Variants in ATP9B observed in about 807,000 individuals in gnomAD.
ATP9B encodes the protein probable phospholipid-transporting ATPase IIB.
In ATP9B, 110 loss-of-function variants were observed where a neutral mutation model predicts 146.1. That is an observed-to-expected ratio of 0.75 (90% CI 0.65 to 0.88). The LOEUF (loss-of-function observed/expected upper bound fraction) is 0.88. Ranked by LOEUF, ATP9B falls within the 40% of genes least tolerant of loss-of-function variation. The probability of loss-of-function intolerance (pLI) is 0.00; values close to 1 mark genes in which losing one functional copy is unlikely to be tolerated. For synonymous variants in ATP9B, 604 were observed against 569.7 expected (o/e 1.06, Z -0.86); for missense variants, 1,499 against 1,496.4 (o/e 1.00, Z -0.03).
At chr18:79,083,865 C>CT (rs60063648) in intron 1 of ATP9B, among the ~76,000 whole-genome samples, 9,002 of 139,294 alleles carry the variant, frequency 0.065, 368 homozygotes, top group African/African-American at 0.088. Context: ...CCATCTTCTT[C>CT]TTTTTTTTTT....
chr18:79,231,803 T>TATATATATATATATATATACATACACAC (rs569726473), intron 11 of ATP9B, among the ~76,000 whole-genome samples: 5 of 114,760 alleles, frequency 4.4e-5, no homozygotes, highest in African/African-American at 1.7e-4. Context: ...TATATATATA[T>TATATATATATATATATATACATACACAC]ACACACACAC....
rs1270434329 is a variant in ATP9B, at chr18:79,239,897, G to A, written c.1108-13484G>A. 6.6e-6 allele frequency among the ~76,000 whole-genome samples: 1 copy of A among 152,226 alleles called. No homozygotes were observed. Among genetic ancestry groups the A allele is most frequent in the Non-Finnish European group, 1.5e-5 (1 of 68,032 alleles). On this transcript the variant is annotated intron_variant, in intron 11 of 29. Transcript: ENST00000426216. The surrounding 1 kb of genome is among the most constrained non-coding windows in gnomAD (Gnocchi z 5.1). Reference sequence around the variant, plus strand: ...TTCCTGAGGGCTAAGCGTTCCCAAAGGATGAGCGGAGAGGCTTGCTCTGCC... The same window carrying A: ...TTCCTGAGGGCTAAGCGTTCCCAAAAGATGAGCGGAGAGGCTTGCTCTGCC...
chr18:79,201,199 C>T (rs1468714354), intron 9 of ATP9B, among the ~76,000 whole-genome samples: 2 of 152,076 alleles, frequency 1.3e-5, no homozygotes, highest in Non-Finnish European at 2.9e-5. Flanking sequence ...GTTTTTTTCT[C>T]ATTTTAGATA....
chr18:79,175,395 G>A (rs1174023681), intron 7 of ATP9B, among the ~76,000 whole-genome samples: 1 of 152,106 alleles, frequency 6.6e-6, no homozygotes, highest in Non-Finnish European at 1.5e-5. Flanking sequence ...AACAGTATAA[G>A]ATATATTCAA....
intron 18 of ATP9B, 117 bp from the exon 19 acceptor site, chr18:79,337,162 C>T (rs1467863496): frequency 1.5e-6 from 2 of 1,314,306 alleles, no homozygotes; most frequent in Non-Finnish European, 2.1e-6. Context: ...ACAGCACGTA[C>T]ACGTGTGCAC....
At chr18:79,292,695 G>A (rs1390244280) in intron 13 of ATP9B, among the ~76,000 whole-genome samples, 1 of 150,840 alleles carries the variant, frequency 6.6e-6, no homozygotes, top group Non-Finnish European at 1.5e-5. Context: ...ACATGCATCC[G>A]AGGAATGTGG....
In ATP9B at chr18:79,234,624, T is replaced by C. The variant is rs979404235; in HGVS notation, c.1108-18757T>C. ...TGGGCCTGCTTGCTGTGGGCCTGCT[T>C]GCTGTGGGTGTGCTGCTGTGGGCGT... is the stretch of plus-strand genomic sequence containing the variant. On this transcript the variant is annotated intron_variant, in intron 11 of 29. Transcript: ENST00000426216. 2.0e-5 allele frequency among the ~76,000 whole-genome samples: 3 copies of C among 149,950 alleles called. No individual in the cohort carries two copies. The South Asian group carries it at 6.4e-4, about 32-fold the overall frequency.
chr18:79,337,459 G>A lies in ATP9B; in HGVS notation c.2283+10G>A. On this transcript the variant is annotated intron_variant, in intron 19 of 29. Coordinates refer to ENST00000426216, the MANE Select transcript of ATP9B (RefSeq NM_198531.5). ...CAACGCCGGGATCAAGGTACTGCAG[G>A]CTCACCTCTGCTGGCGCGCGCTGCT... 1 of 1,604,376 alleles carries A rather than the reference G, an allele frequency of 6.2e-7. No individual in the cohort carries two copies. Among genetic ancestry groups the A allele is most frequent in the South Asian group, 1.1e-5 (1 of 90,692 alleles).
Position 79,337,440 on chromosome 18 carries a change from C to T in ATP9B, c.2274C>T (p.Ala758=), listed in dbSNP as rs570834050. 36 of 1,610,748 alleles carry T rather than the reference C, an allele frequency of 2.2e-5. No individual in the cohort carries two copies. The Middle Eastern group carries it at 9.9e-4, about 45-fold the overall frequency. Residue 758 remains alanine, a synonymous_variant, in exon 19 of 30, where the codon GCC becomes GCT. Transcript: ENST00000426216. ...VRPTLEMLRN[A]GIKIWMLTGD... ...CCACGCTGGAGATGCTGCGCAACGC[C>T]GGGATCAAGGTACTGCAGGCTCACC... is the stretch of plus-strand genomic sequence containing the variant.
intron 8 of ATP9B, among the ~76,000 whole-genome samples, chr18:79,183,555 C>T (rs913153282): frequency 2.0e-4 from 30 of 151,626 alleles, no homozygotes; most frequent in African/African-American, 5.8e-4. Context: ...TTTTATTTTC[C>T]AATGTTTCTA....
intron 13 of ATP9B, 76 bp from the exon 14 acceptor site, chr18:79,303,528 C>A: frequency 8.6e-7 from 1 of 1,165,316 alleles, no homozygotes; most frequent in Non-Finnish European, 1.3e-6. Flanking sequence ...GTGCAGCATG[C>A]CTGCATGGTA....
At chr18:79,089,723 AT>A (rs1319717203) in intron 1 of ATP9B, among the ~76,000 whole-genome samples, 1 of 152,182 alleles carries the variant, frequency 6.6e-6, no homozygotes, top group African/African-American at 2.4e-5. Context: ...GAATCGGGTA[AT>A]TGGGATATCC....
intron 1 of ATP9B, among the ~76,000 whole-genome samples, chr18:79,093,832 C>A (rs894236345): frequency 1.3e-5 from 2 of 152,192 alleles, no homozygotes; most frequent in Non-Finnish European, 2.9e-5. Flanking sequence ...CACTTCAAGA[C>A]TGTTCAACTT....
chr18:79,325,430 T>C (rs1297866101), intron 15 of ATP9B, among the ~76,000 whole-genome samples: 1 of 152,224 alleles, frequency 6.6e-6, no homozygotes, highest in East Asian at 1.9e-4. Context: ...TGTAAACTTC[T>C]TAAAATATGA....
intron 1 of ATP9B, among the ~76,000 whole-genome samples, chr18:79,082,169 C>G (rs1028466975): frequency 1.1e-4 from 17 of 152,278 alleles, no homozygotes; most frequent in African/African-American, 3.6e-4. Context: ...TCTTCAATCT[C>G]TGATATAATT....
intron 11 of ATP9B, among the ~76,000 whole-genome samples, chr18:79,228,749 G>T (rs2095760089): frequency 6.6e-6 from 1 of 152,110 alleles, no homozygotes; most frequent in Non-Finnish European, 1.5e-5. Flanking sequence ...TAAGAAGCTG[G>T]CTGGACATGG....
At chr18:79,179,464 T>C (rs1600212869) in intron 8 of ATP9B, among the ~76,000 whole-genome samples, 3 of 152,268 alleles carry the variant, frequency 2.0e-5, no homozygotes, top group Non-Finnish European at 2.9e-5. Flanking sequence ...TTTTGATTTA[T>C]TTAGTTAAAA....
chr18:79,206,652 AT>A (rs1366566573), intron 9 of ATP9B, among the ~76,000 whole-genome samples: 1 of 151,108 alleles, frequency 6.6e-6, no homozygotes, highest in African/African-American at 2.4e-5. Flanking sequence ...AAATAAATAA[AT>A]AAATAAATAT....
At position 79,121,915 on chromosome 18, in the gene ATP9B, G is replaced by GACT. The variant is rs535342302; in HGVS notation, c.559-4351_559-4349dup. Among the ~76,000 whole-genome samples the GACT allele has an allele frequency of 8.5e-5, 13 of 152,194 alleles. No individual in the cohort carries two copies. In the East Asian group the frequency reaches 2.5e-3, roughly 29 times the overall value. ...TTTGAAGTGGGAGCTTAATTTCACT[G>GACT]ACTTCCTTGAGTTCTTAGGAACTAG... On this transcript the variant is annotated intron_variant, in intron 4 of 29. Transcript: ENST00000426216.
Sources: allele counts gnomAD v4.1 joint callset (sites outside exome capture counted in the v4.1 genomes callset), GRCh38; gene constraint gnomAD v4.1.1; non-coding constraint Gnocchi (gnomAD v3.1); transcripts MANE v1.5; gene names NCBI Gene and HGNC (gene_info 2026-07-23, HGNC 2026-07-21).